The following WDFY3 variants were observed in gnomAD, a reference collection of about 807,000 sequenced individuals.
WDFY3 encodes WD repeat and FYVE domain containing 3, also known as WD repeat and FYVE domain-containing protein 3.
WDFY3 carries 66 observed loss-of-function variants against 409.6 expected under a neutral mutation model. That is an observed-to-expected ratio of 0.16 (90% CI 0.13 to 0.20). The LOEUF (loss-of-function observed/expected upper bound fraction) is 0.20, where lower values mean the gene tolerates loss of function less well. Among genes scored for constraint, WDFY3 ranks in the 10% least tolerant of loss-of-function variants. The pLI is 1.00. For missense variants in WDFY3, 3,031 were observed against 4,298.1 expected (o/e 0.71, Z 8.24); for synonymous variants, 1,521 against 1,537.1 (o/e 0.99, Z 0.25).
chr4:84,798,435 A>C (rs1749899895), intron 17 of WDFY3, among the ~76,000 whole-genome samples: 1 of 152,214 alleles, frequency 6.6e-6, no homozygotes, highest in African/African-American at 2.4e-5. Context: ...TAAAACATAC[A>C]CAGTGTTAGT....
At chr4:84,860,276 C>T in intron 4 of WDFY3, 136 bp downstream of exon 4, 1 of 1,010,676 alleles carries the variant, frequency 9.9e-7, no homozygotes, top group Middle Eastern at 2.2e-4. Flanking sequence ...AAATTGAAAA[C>T]ATGAAACGAG....
In WDFY3 at chr4:84,820,236, T is replaced by C. The variant is rs775573114; in HGVS notation, c.1592-50A>G. On this transcript the variant is annotated intron_variant, in intron 11 of 67. Coordinates refer to ENST00000295888, the MANE Select transcript of WDFY3 (RefSeq NM_014991.6). ...ATTACAAAAGTGATAAGCTTATTTT[T>C]TCTTGATTCCGTTTTACTGTAATAA... is the stretch of plus-strand genomic sequence containing the variant. The C allele has an allele frequency of 1.2e-5, 17 of 1,431,616 alleles. No homozygotes were observed. In the South Asian group the frequency reaches 2.0e-4, roughly 17 times the overall value. 88.7% of individuals were successfully genotyped at this position (1,431,616 alleles called of 1,614,324 possible).
intron 1 of WDFY3, among the ~76,000 whole-genome samples, chr4:84,965,146 T>C (rs1040079893): frequency 1.3e-5 from 2 of 152,174 alleles, no homozygotes; most frequent in Admixed American, 6.6e-5. Flanking sequence ...ATGTTATGTT[T>C]GTTACGTCGC....
intron 4 of WDFY3, among the ~76,000 whole-genome samples, chr4:84,852,300 T>A (rs1265146403): frequency 6.6e-6 from 1 of 152,212 alleles, no homozygotes; most frequent in Non-Finnish European, 1.5e-5. Context: ...GGTGTCAGAT[T>A]TCAAACTTAT....
rs11938780 is a variant in WDFY3, at chr4:84,957,272, A to C, written c.-226+8937T>G. On this transcript the variant is annotated intron_variant, in intron 1 of 67. Coordinates refer to ENST00000295888, the MANE Select transcript of WDFY3 (RefSeq NM_014991.6). The stretch of plus-strand genomic sequence containing the variant: ...ATTTCATATACCAAAAAAAAAAAAA[A>C]AAACAAAACTACAAGGCATATCATA... Among the ~76,000 whole-genome samples the C allele has an allele frequency of 1.5e-3, 232 of 151,886 alleles. 2 individuals are homozygous for C. Among genetic ancestry groups the C allele is most frequent in the African/African-American group, 5.3e-3 (221 of 41,392 alleles).
At chr4:84,805,205 T>C (rs1429965750) in intron 15 of WDFY3, among the ~76,000 whole-genome samples, 3 of 152,156 alleles carry the variant, frequency 2.0e-5, no homozygotes, top group Non-Finnish European at 2.9e-5. Flanking sequence ...ATACTCAAGA[T>C]ATCTCATTAT....
At chr4:84,774,542 AC>A (rs1745226751) in intron 29 of WDFY3, among the ~76,000 whole-genome samples, 1 of 152,246 alleles carries the variant, frequency 6.6e-6, no homozygotes, top group East Asian at 1.9e-4. Flanking sequence ...GAATTCCTAG[AC>A]TGAATACTTT....
intron 5 of WDFY3, chr4:84,844,438 T>C: frequency 4.7e-6 from 6 of 1,288,618 alleles, no homozygotes; most frequent in Middle Eastern, 4.3e-4. Context: ...TATAACCACA[T>C]CTTGGGAATG....
intron 1 of WDFY3, among the ~76,000 whole-genome samples, chr4:84,960,755 G>A (rs1178245205): frequency 6.6e-6 from 1 of 152,170 alleles, no homozygotes; most frequent in African/African-American, 2.4e-5. Context: ...TGGGATTACA[G>A]ATATGAGCCA....
Position 84,705,443 on chromosome 4 carries a change from T to G in WDFY3, c.8286A>C (p.Glu2762Asp), listed in dbSNP as rs1427411247. Residue 2762 changes from glutamate (E) to aspartate (D), a missense_variant, in exon 54 of 68, where the codon GAA becomes GAC. Glu to Asp is a conservative substitution (Grantham distance 45). This residue lies in a region of WDFY3 where 129 missense variants were observed against 305.3 expected (regional missense o/e 0.42). Transcript: ENST00000295888. ...ACCGCTTCTTATACTGAGCTAATCGTTCATCTGTTTGTGCTCCCATTGGCT... is the reference window on the plus strand; with the variant it reads ...ACCGCTTCTTATACTGAGCTAATCGGTCATCTGTTTGTGCTCCCATTGGCT... ...LAKPMGAQTDERLAQYKKRYK... is the reference protein window; with the variant it reads ...LAKPMGAQTDDRLAQYKKRYK... 6.2e-7 allele frequency: 1 copy of G among 1,614,074 alleles called. No homozygotes were observed. The highest frequency in any genetic ancestry group is 8.5e-7 in the Non-Finnish European group (1 of 1,179,978).
chr4:84,762,906 G>A (rs1042214612), intron 32 of WDFY3, among the ~76,000 whole-genome samples: 7 of 151,914 alleles, frequency 4.6e-5, no homozygotes, highest in African/African-American at 1.7e-4. Context: ...GAGCCCAGGA[G>A]CTTAAGTCTA....
intron 3 of WDFY3, among the ~76,000 whole-genome samples, chr4:84,880,723 AT>A (rs1763414928): frequency 1.1e-5 from 1 of 87,552 alleles, no homozygotes; most frequent in East Asian, 3.6e-4. Context: ...ATATATATAT[AT>A]ATGTTTTTTT....
At chr4:84,842,428 G>GGT (rs1011914734) in intron 5 of WDFY3, among the ~76,000 whole-genome samples, 8 of 151,180 alleles carry the variant, frequency 5.3e-5, no homozygotes, top group African/African-American at 1.9e-4. Context: ...TGTGAGCCAA[G>GGT]ATCACGCCAC....
Position 84,690,580 on chromosome 4 carries a change from C to T in WDFY3, c.9289G>A (p.Gly3097Arg). 1 of 1,614,158 alleles carries T rather than the reference C, an allele frequency of 6.2e-7. No individual in the cohort carries two copies. Among genetic ancestry groups the T allele is most frequent in the Non-Finnish European group, 8.5e-7 (1 of 1,180,042 alleles). Residue 3097 changes from glycine (G) to arginine (R), a missense_variant, in exon 61 of 68, where the codon GGA becomes AGA. Around this residue, in one of 16 missense-constraint regions of WDFY3, gnomAD observed 152 missense variants for 193.5 expected, o/e 0.79. Transcript: ENST00000295888. ...CACACACACACAACCGTGCTTGTTC[C>T]ACCCGTGATGACCAGCTTGGGGTTG... The part of the protein sequence containing the change: ...CPNPKLVITG[G>R]TSTVVCVWEM...
rs546313528 is a variant in WDFY3, at chr4:84,751,666, C to T, written c.5790G>A (p.Ala1930=). The change falls in exon 36 of 68, where the codon GCG becomes GCA. Residue 1930 remains alanine (A), a synonymous_variant. Coordinates refer to ENST00000295888, the MANE Select transcript of WDFY3 (RefSeq NM_014991.6). The part of the protein sequence containing the change: ...EVGSPAEEFK[A]FAADTGMNRS... Reference sequence around the variant, plus strand: ...TGTTCATCCCTGTGTCTGCTGCAAACGCTTTAAACTCTTCTGCTGGAGATC... The same window carrying T: ...TGTTCATCCCTGTGTCTGCTGCAAATGCTTTAAACTCTTCTGCTGGAGATC... 108 of 1,613,978 alleles carry T rather than the reference C, an allele frequency of 6.7e-5. 2 individuals are homozygous for T. Among genetic ancestry groups the T allele is most frequent in the South Asian group, 6.6e-4 (60 of 91,084 alleles).
chr4:84,691,925 A>G, intron 59 of WDFY3, 140 bp from the exon 60 acceptor site: 1 of 891,982 alleles, frequency 1.1e-6, no homozygotes, highest in Non-Finnish European at 1.6e-6. Flanking sequence ...TCTGAAATAG[A>G]GCTGGGCTTT....
chr4:84,737,383 C>G lies in WDFY3; in HGVS notation c.6575-17G>C. The G allele has an allele frequency of 6.6e-7, 1 of 1,526,032 alleles. No individual in the cohort carries two copies. The highest frequency in any genetic ancestry group is 8.8e-7 in the Non-Finnish European group (1 of 1,139,696). 94.5% of individuals were successfully genotyped at this position (1,526,032 alleles called of 1,614,324 possible). On this transcript the variant is annotated splice_polypyrimidine_tract_variant and intron_variant, in intron 40 of 67. Transcript: ENST00000295888. ...GCTGACGCCCTAGTAAACAAACAAA[C>G]AAACAAACAAAAAAGTAAGCAAATG...
intron 49 of WDFY3, among the ~76,000 whole-genome samples, chr4:84,716,134 G>T (rs1301226997): frequency 6.6e-6 from 1 of 152,044 alleles, no homozygotes; most frequent in Non-Finnish European, 1.5e-5. Context: ...CATATCTAAG[G>T]ATTATTCTAA....
At chr4:84,720,077 A>T (rs1471155823) in intron 47 of WDFY3, among the ~76,000 whole-genome samples, 1 of 152,178 alleles carries the variant, frequency 6.6e-6, no homozygotes. Context: ...TAAACCAATC[A>T]TTCCTTCATT....
Sources: allele counts gnomAD v4.1 joint callset (sites outside exome capture counted in the v4.1 genomes callset), GRCh38; gene constraint gnomAD v4.1.1; regional missense constraint gnomAD v4.1.1; transcripts MANE v1.5; gene names NCBI Gene and HGNC (gene_info 2026-07-23, HGNC 2026-07-21).